The following CACNA1S variants were observed in gnomAD, a reference collection of about 807,000 sequenced individuals.
CACNA1S encodes the protein calcium voltage-gated channel subunit alpha1 S, also known as voltage-dependent L-type calcium channel subunit alpha-1S.
Under a neutral mutation model 207.4 loss-of-function variants are expected in CACNA1S, and 126 were observed. The ratio of observed to expected loss-of-function variants is 0.61; its 90% CI spans 0.53 to 0.70. CACNA1S has a LOEUF of 0.70. Ranked by LOEUF, CACNA1S falls within the 30% of genes least tolerant of loss-of-function variation. CACNA1S has a pLI of 0.00. For missense variants in CACNA1S, 2,349 were observed against 2,422.8 expected (o/e 0.97, Z 0.64); for synonymous variants, 960 against 932.7 (o/e 1.03, Z -0.53).
At chr1:201,087,755 CT>C in intron 7 of CACNA1S, 70 bp downstream of exon 7, 1 of 1,062,788 alleles carries the variant, frequency 9.4e-7, no homozygotes, top group South Asian at 1.3e-5. Context: ...CCCTCCGTTC[CT>C]TTTCCTTCCT....
At chr1:201,104,689 T>C (rs952168385) in intron 2 of CACNA1S, among the ~76,000 whole-genome samples, 1 of 152,266 alleles carries the variant, frequency 6.6e-6, no homozygotes, top group Non-Finnish European at 1.5e-5. Flanking sequence ...TTGAACATCA[T>C]ACTTTGACAT....
chr1:201,076,956 A>C lies in CACNA1S; in HGVS notation c.1791T>G (p.Phe597Leu). The change falls in exon 12 of 44, where the codon TTT becomes TTG. Residue 597 changes from phenylalanine to leucine, a missense_variant. Phe to Leu is a conservative substitution (Grantham distance 22). Transcript: ENST00000362061. ...TGATGAGGGCTTGGGGAAAGTTGTC[A>C]AAGTTGCTGCGCCGTACTTCTGTGT... is the stretch of plus-strand genomic sequence containing the variant. Reference protein sequence around the residue: ...FEDTEVRRSNFDNFPQALISV... With the variant: ...FEDTEVRRSNLDNFPQALISV... 6.2e-7 allele frequency: 1 copy of C among 1,614,210 alleles called. No individual in the cohort carries two copies. The highest frequency in any genetic ancestry group is 1.1e-5 in the South Asian group (1 of 91,082).
chr1:201,052,234 G>C (rs1660680647), intron 32 of CACNA1S, among the ~76,000 whole-genome samples: 1 of 152,242 alleles, frequency 6.6e-6, no homozygotes, highest in African/African-American at 2.4e-5. Flanking sequence ...TGGGAGCGAC[G>C]AGGGCAAATG....
At chr1:201,081,969 C>G (rs10920111) in intron 10 of CACNA1S, among the ~76,000 whole-genome samples, 36,304 of 151,822 alleles carry the variant, frequency 0.24, 5,818 homozygotes, top group Non-Finnish European at 0.37. Flanking sequence ...TTCTGTAAAG[C>G]CTGCAGAACT....
At chr1:201,085,323 C>G in intron 8 of CACNA1S, 113 bp downstream of exon 8, 1 of 1,429,046 alleles carries the variant, frequency 7.0e-7, no homozygotes, top group South Asian at 1.2e-5. Context: ...GCAAGTCACT[C>G]ACCCTCAAAG....
rs201173419 is a variant in CACNA1S at position 201,075,485 on chromosome 1, G to C, written c.1948+10C>G. 1,736 of 1,509,420 alleles carry C rather than the reference G, an allele frequency of 1.2e-3. No homozygotes were observed. Among genetic ancestry groups the C allele is most frequent in the Non-Finnish European group, 1.4e-3 (1,509 of 1,111,754 alleles). 93.5% of individuals were successfully genotyped at this position (1,509,420 alleles called of 1,614,324 possible). On this transcript the variant is annotated intron_variant, in intron 13 of 43. Transcript: ENST00000362061. Reference sequence around the variant, plus strand: ...AAGCTCTTTTCTGCACCCTGCTCCCGAGAGGATACAGTTGCCACAGACGAA... The same window carrying C: ...AAGCTCTTTTCTGCACCCTGCTCCCCAGAGGATACAGTTGCCACAGACGAA...
Position 201,073,611 on chromosome 1 carries a change from A to T in CACNA1S, c.2095T>A (p.Ser699Thr), listed in dbSNP as rs982273207. 4 of 1,614,154 alleles carry T rather than the reference A, an allele frequency of 2.5e-6. No individual in the cohort carries two copies. The highest frequency in any genetic ancestry group is 3.4e-6 in the Non-Finnish European group (4 of 1,180,006). The change falls in exon 15 of 44, where the codon TCA (serine) becomes ACA (threonine). Residue 699 changes from serine (S) to threonine (T), a missense_variant. By Grantham distance (58) the Ser-to-Thr change is moderately conservative. Coordinates refer to ENST00000362061, the MANE Select transcript of CACNA1S (RefSeq NM_000069.3). ...TGCTCCAGCTTCTTGGCCATCGTTG[A>T]CTTCTCCTCTTCTGACTTGTCTGGG... ...GLPDKSEEEK[S>T]TMAKKLEQKP...
At chr1:201,048,502 G>T in intron 36 of CACNA1S, 80 bp downstream of exon 36, 1 of 1,207,224 alleles carries the variant, frequency 8.3e-7, no homozygotes, top group African/African-American at 1.5e-5. Context: ...GCAATCTTGA[G>T]CTCTGAGAAT....
intron 2 of CACNA1S, among the ~76,000 whole-genome samples, chr1:201,097,619 T>C (rs16847720): frequency 0.013 from 2,020 of 152,306 alleles, 49 homozygotes; most frequent in African/African-American, 0.046. Flanking sequence ...CGCAGCTTCC[T>C]TGAGGCCACG....
intron 26 of CACNA1S, among the ~76,000 whole-genome samples, chr1:201,059,540 G>C (rs1277995275): frequency 6.6e-6 from 1 of 152,188 alleles, no homozygotes; most frequent in African/African-American, 2.4e-5. Context: ...GAAGGGGAGG[G>C]GCTCCAATTC....
chr1:201,091,676 C>G lies in CACNA1S; in HGVS notation c.658G>C (p.Gly220Arg). 1 of 1,614,228 alleles carries G rather than the reference C, an allele frequency of 6.2e-7. No homozygotes were observed. Among genetic ancestry groups the G allele is most frequent in the Non-Finnish European group, 8.5e-7 (1 of 1,180,040 alleles). Residue 220 changes from glycine (G) to arginine (R), a missense_variant, in exon 5 of 44, where the codon GGC becomes CGC. Transcript: ENST00000362061. ...YAIIGLELFKGKMHKTCYFIG... is the reference protein window; with the variant it reads ...YAIIGLELFKRKMHKTCYFIG... Reference sequence around the variant, plus strand: ...AAGTAGCAGGTCTTGTGCATCTTGCCCTTGAAGAGCTCCAGCCCGATGATG... The same window carrying G: ...AAGTAGCAGGTCTTGTGCATCTTGCGCTTGAAGAGCTCCAGCCCGATGATG...
At chr1:201,064,120 G>A (rs532064634) in intron 22 of CACNA1S, among the ~76,000 whole-genome samples, 2 of 152,314 alleles carry the variant, frequency 1.3e-5, no homozygotes, top group East Asian at 1.9e-4. Flanking sequence ...GGAGGGCAGC[G>A]GCTCATTCAT....
chr1:201,055,977 C>G (rs1660825287), intron 28 of CACNA1S, among the ~76,000 whole-genome samples: 1 of 152,078 alleles, frequency 6.6e-6, no homozygotes. Context: ...GTGCTGCTGT[C>G]AAACCATGGA....
At chr1:201,110,945 G>A (rs1343878873) in intron 1 of CACNA1S, among the ~76,000 whole-genome samples, 3 of 152,216 alleles carry the variant, frequency 2.0e-5, no homozygotes, top group Non-Finnish European at 4.4e-5. Flanking sequence ...GGGAGGAAGC[G>A]AGGGAGTTGT....
intron 28 of CACNA1S, among the ~76,000 whole-genome samples, chr1:201,055,055 A>T (rs1660792836): frequency 6.6e-6 from 1 of 152,126 alleles, no homozygotes; most frequent in East Asian, 1.9e-4. Context: ...CCCACAGCAG[A>T]TGTTTCTCTG....
At chr1:201,110,940 G>A (rs1310082307) in intron 1 of CACNA1S, among the ~76,000 whole-genome samples, 9 of 152,194 alleles carry the variant, frequency 5.9e-5, no homozygotes, top group African/African-American at 1.7e-4. Flanking sequence ...AGCAAGGGAG[G>A]AAGCGAGGGA....
chr1:201,068,741 A>G (rs146014489), intron 19 of CACNA1S, among the ~76,000 whole-genome samples: 1,731 of 150,104 alleles, frequency 0.012, 39 homozygotes, highest in African/African-American at 0.041. Context: ...GTGTGGTGGC[A>G]GACGCCTGTA....
chr1:201,059,299 G>T lies in CACNA1S; in HGVS notation c.3415C>A (p.His1139Asn). The change falls in exon 27 of 44, where the codon CAC becomes AAC. Residue 1139 changes from histidine (H) to asparagine (N), a missense_variant and splice_region_variant. Coordinates refer to ENST00000362061, the MANE Select transcript of CACNA1S (RefSeq NM_000069.3). Reference protein sequence around the residue: ...MLNTICLGMQHYNQSEQMNHI... With the variant: ...MLNTICLGMQNYNQSEQMNHI... ...TTCATCTGCTCCGACTGGTTGTAGTGCTGTGGAGGGGACACAGGAGCAGTG... is the reference window on the plus strand; with the variant it reads ...TTCATCTGCTCCGACTGGTTGTAGTTCTGTGGAGGGGACACAGGAGCAGTG... 3 of 1,606,618 alleles carry T rather than the reference G, an allele frequency of 1.9e-6. No individual in the cohort carries two copies. The highest frequency in any genetic ancestry group is 2.2e-5 in the South Asian group (2 of 90,886).
At chr1:201,083,023 C>T in intron 10 of CACNA1S, 139 bp downstream of exon 10, 1 of 908,786 alleles carries the variant, frequency 1.1e-6, no homozygotes, top group Non-Finnish European at 1.7e-6. Context: ...ATCCAGCACT[C>T]ATGGTCCATA....
Sources: gnomAD v4.1 joint callset for allele counts (sites outside exome capture counted in the v4.1 genomes callset) on GRCh38, gnomAD v4.1.1 for gene constraint, MANE v1.5 for transcripts, NCBI Gene and HGNC (gene_info 2026-07-23, HGNC 2026-07-21) for gene names.